Variants in COL6A2 observed in about 807,000 individuals in gnomAD.
The protein encoded by COL6A2 is collagen type VI alpha 2 chain, also known as collagen alpha-2(VI) chain.
Under a neutral mutation model 124.9 loss-of-function variants are expected in COL6A2, and 90 were observed. The observed-to-expected ratio is 0.72, with a 90% CI of 0.61 to 0.86. The LOEUF (loss-of-function observed/expected upper bound fraction) is 0.86, where lower values mean the gene tolerates loss of function less well. Among genes scored for constraint, COL6A2 ranks in the 40% least tolerant of loss-of-function variants. The pLI is 0.00. For missense variants in COL6A2, 1,607 were observed against 1,502.5 expected (o/e 1.07, Z -1.15); for synonymous variants, 793 against 618.2 (o/e 1.28, Z -4.19).
chr21:46,103,404 T>C (rs1336603733), intron 1 of COL6A2, among the ~76,000 whole-genome samples: 1 of 152,168 alleles, frequency 6.6e-6, no homozygotes, highest in Non-Finnish European at 1.5e-5. Flanking sequence ...CTATTATCTG[T>C]CTGTTCTCCA....
chr21:46,109,705 G>A (rs1435448730), intron 1 of COL6A2, among the ~76,000 whole-genome samples: 2 of 152,214 alleles, frequency 1.3e-5, no homozygotes, highest in African/African-American at 4.8e-5. Flanking sequence ...CACCCGGCCA[G>A]GCTGTGACAG....
chr21:46,117,286 G>C (rs1029396897), intron 10 of COL6A2, 114 bp from the exon 11 acceptor site: 8 of 1,075,270 alleles, frequency 7.4e-6, no homozygotes, highest in Non-Finnish European at 9.7e-6. Flanking sequence ...CGTGTGCCAG[G>C]AGGAGAGCGC....
At chr21:46,108,257 A>C (rs144020289) in intron 1 of COL6A2, among the ~76,000 whole-genome samples, 80 of 152,276 alleles carry the variant, frequency 5.3e-4, no homozygotes, top group South Asian at 1.5e-3. Flanking sequence ...CACAACACTG[A>C]ATGGTAGCGT....
intron 1 of COL6A2, among the ~76,000 whole-genome samples, chr21:46,105,083 A>C (rs1321042309): frequency 6.6e-6 from 1 of 152,188 alleles, no homozygotes; most frequent in African/African-American, 2.4e-5. Context: ...TCAAGTGAAG[A>C]AGTAAAGATC....
chr21:46,111,901 C>G, intron 2 of COL6A2, 78 bp from the exon 3 acceptor site: 1 of 1,470,668 alleles, frequency 6.8e-7, no homozygotes, highest in South Asian at 1.1e-5. Context: ...AACCCACAAA[C>G]AGGCACGGGG....
chr21:46,118,966 A>G, intron 13 of COL6A2, 64 bp from the exon 14 acceptor site: 2 of 1,290,860 alleles, frequency 1.5e-6, no homozygotes, highest in South Asian at 2.4e-5. Context: ...CACACACCGC[A>G]CAGGCGTGAC....
chr21:46,112,883 C>T (rs542484806), intron 4 of COL6A2, 59 bp downstream of exon 4: 153 of 1,609,920 alleles, frequency 9.5e-5, no homozygotes, highest in African/African-American at 9.2e-4. Context: ...CAGAGATGAC[C>T]GCGCCAGGCT....
intron 27 of COL6A2, chr21:46,129,193 C>T (rs2078722011): frequency 3.1e-6 from 5 of 1,612,894 alleles, no homozygotes; most frequent in Non-Finnish European, 3.4e-6. Context: ...CGCTCCCTTG[C>T]AGATGCACCG....
intron 5 of COL6A2, among the ~76,000 whole-genome samples, 180 bp downstream of exon 5, chr21:46,114,253 T>C (rs942885807): frequency 2.2e-4 from 34 of 151,930 alleles, no homozygotes; most frequent in South Asian, 6.2e-4. Context: ...GGTGAAACCC[T>C]GTCTCTACTA....
chr21:46,125,613 G>C lies in COL6A2; in HGVS notation c.1965G>C (p.Glu655Asp). The C allele has an allele frequency of 6.2e-7, 1 of 1,610,862 alleles. No homozygotes were observed. Among genetic ancestry groups the C allele is most frequent in the Non-Finnish European group, 8.5e-7 (1 of 1,179,070 alleles). Reference sequence around the variant, plus strand: ...CCATCGCTAAGGACCCCAAGTCCGAGACAGGTCAGCGGGGCAGGGGCGGGT... The same window carrying C: ...CCATCGCTAAGGACCCCAAGTCCGACACAGGTCAGCGGGGCAGGGGCGGGT... Reference protein sequence around the residue: ...LGAIAKDPKSETGTRVGVVQY... With the variant: ...LGAIAKDPKSDTGTRVGVVQY... The change falls in exon 25 of 28, where the codon GAG (glutamate) becomes GAC (aspartate). Residue 655 changes from glutamate to aspartate, a missense_variant. Glu to Asp is a conservative substitution (Grantham distance 45, BLOSUM62 2). This residue lies in a region of COL6A2 where 1,223 missense variants were observed against 1,052.2 expected (regional missense o/e 1.16). Coordinates refer to ENST00000300527, the MANE Select transcript of COL6A2 (RefSeq NM_001849.4).
At position 46,099,889 on chromosome 21, in the gene COL6A2, C is replaced by CGTTTTTTTTTTT. The variant is rs1345870090; in HGVS notation, c.-28+1716_-28+1717insGTTTTTTTTTTT. On this transcript the variant is annotated intron_variant, in intron 1 of 27. Transcript: ENST00000300527. ...TCTCCACAATGGATAGCAGCACTGT[C>CGTTTTTTTTTTT]TTTTTTTTTTTTTTTTTTTTTTTCT... Among the ~76,000 whole-genome samples, 11 of 91,838 alleles carry CGTTTTTTTTTTT rather than the reference C, an allele frequency of 1.2e-4. 1 individual carries two copies. The highest frequency in any genetic ancestry group is 4.2e-4 in the South Asian group (1 of 2,398). The allele number at this position is 91,838 out of a possible 152,430, so 60.2% of individuals were successfully genotyped here. A position where few individuals can be genotyped will look rare whatever the true frequency, so the allele number is the denominator to read the frequency against.
Position 46,116,366 on chromosome 21 carries a change from C to G in COL6A2, c.901-11C>G. 1 of 1,613,064 alleles carries G rather than the reference C, an allele frequency of 6.2e-7. No homozygotes were observed. Among genetic ancestry groups the G allele is most frequent in the South Asian group, 1.1e-5 (1 of 91,064 alleles). On this transcript the variant is annotated splice_polypyrimidine_tract_variant and intron_variant, in intron 7 of 27. Coordinates refer to ENST00000300527, the MANE Select transcript of COL6A2 (RefSeq NM_001849.4). This position sits in a 1 kb window ranked among gnomAD's most constrained non-coding sequence, Gnocchi z 4.6. Reference sequence around the variant, plus strand: ...CTCCTCACTAATGCCCCTCTCTCCTCCTGCCCCCAGGGCGTTCCTGGCTTC... The same window carrying G: ...CTCCTCACTAATGCCCCTCTCTCCTGCTGCCCCCAGGGCGTTCCTGGCTTC...
chr21:46,116,632 C>G lies in COL6A2; in HGVS notation c.928-19C>G. 1 of 1,612,642 alleles carries G rather than the reference C, an allele frequency of 6.2e-7. No homozygotes were observed. The highest frequency in any genetic ancestry group is 8.5e-7 in the Non-Finnish European group (1 of 1,179,896). ...CTTTGAGGCACCGAGCTCACTGCGC[C>G]GGCTTTCCTCCTACACAGGGTGAAT... On this transcript the variant is annotated intron_variant, in intron 8 of 27. Transcript: ENST00000300527. This position sits in a 1 kb window ranked among gnomAD's most constrained non-coding sequence, Gnocchi z 4.6.
At position 46,112,365 on chromosome 21, in the gene COL6A2, A is replaced by T. The variant is rs1241589990; in HGVS notation, c.502A>T (p.Ser168Cys). ...VVITDGHVTG[S>C]PCGGIKLQAE... ...CATCACCGACGGCCACGTCACCGGC[A>T]GCCCCTGCGGGGGCATCAAGCTGCA... Residue 168 changes from serine (S) to cysteine (C), a missense_variant, in exon 3 of 28, where the codon AGC becomes TGC. Physicochemically the swap from Ser to Cys is moderately radical, Grantham distance 112. This residue lies in a region of COL6A2 where 342 missense variants were observed against 381.5 expected (regional missense o/e 0.90). Coordinates refer to ENST00000300527, the MANE Select transcript of COL6A2 (RefSeq NM_001849.4). 2 of 1,608,442 alleles carry T rather than the reference A, an allele frequency of 1.2e-6. No homozygotes were observed. The highest frequency in any genetic ancestry group is 1.7e-6 in the Non-Finnish European group (2 of 1,178,266).
chr21:46,129,834 G>A lies in COL6A2; in HGVS notation c.2462-2120G>A, dbSNP rs918049000. 4 of 1,096,168 alleles carry A rather than the reference G, an allele frequency of 3.6e-6. No individual in the cohort carries two copies. In the African/African-American group the frequency reaches 6.5e-5, roughly 18 times the overall value. The allele number at this position is 1,096,168 out of a possible 1,614,324, so 67.9% of individuals were successfully genotyped here. The stretch of plus-strand genomic sequence containing the variant: ...TGCAGAGTCCTTCTTTGCTGCATCA[G>A]GTCACCCTCACAGGCTCCAGGGTTT... On this transcript the variant is annotated intron_variant, in intron 27 of 27. Coordinates refer to ENST00000300527, the MANE Select transcript of COL6A2 (RefSeq NM_001849.4).
chr21:46,111,827 G>T, intron 2 of COL6A2, 152 bp from the exon 3 acceptor site: 1 of 642,314 alleles, frequency 1.6e-6, no homozygotes, highest in East Asian at 2.9e-5. Flanking sequence ...GGGCAGTTGG[G>T]ACCAGTACCC....
chr21:46,126,642 C>CG (rs1035548800), intron 27 of COL6A2, 101 bp downstream of exon 27: 45 of 1,208,928 alleles, frequency 3.7e-5, no homozygotes, highest in Admixed American at 9.7e-5. Flanking sequence ...TGCAGGGACC[C>CG]GGGGGGCGGC....
intron 27 of COL6A2, chr21:46,129,786 A>G (rs768322282): frequency 7.8e-5 from 100 of 1,274,438 alleles, no homozygotes; most frequent in Admixed American, 2.6e-4. Flanking sequence ...ATGACCTCGC[A>G]AGACCCTTAA....
At chr21:46,129,804 C>T in intron 27 of COL6A2, 3 of 1,183,848 alleles carry the variant, frequency 2.5e-6, no homozygotes, top group Non-Finnish European at 3.1e-6. Flanking sequence ...TAACTCACTC[C>T]CGTCTGCAGA....
Sources: allele counts gnomAD v4.1 joint callset (sites outside exome capture counted in the v4.1 genomes callset), GRCh38; gene constraint gnomAD v4.1.1; regional missense constraint gnomAD v4.1.1; non-coding constraint Gnocchi (gnomAD v3.1); transcripts MANE v1.5; gene names NCBI Gene and HGNC (gene_info 2026-07-23, HGNC 2026-07-21).